The following GRB2 variants were observed in gnomAD, a reference collection of about 807,000 sequenced individuals.
The protein encoded by GRB2 is growth factor receptor bound protein 2, also known as growth factor receptor-bound protein 2.
A neutral mutation model predicts 27.4 loss-of-function variants in GRB2; 2 were observed. That is an observed-to-expected ratio of 0.07 (90% CI 0.03 to 0.23). The LOEUF is 0.23. GRB2 is among the 10% of genes least tolerant of loss of function. The pLI, the probability that GRB2 is intolerant of heterozygous loss-of-function variation, is 1.00. For synonymous variants in GRB2, 94 were observed against 99.6 expected, an observed-to-expected ratio of 0.94 and a Z score of 0.33; for missense variants, 102 against 282.4, an observed-to-expected ratio of 0.36 and a Z score of 4.58.
chr17:75,392,476 A>G (rs1042808864), intron 2 of GRB2, among the ~76,000 whole-genome samples: 1 of 152,214 alleles, frequency 6.6e-6, no homozygotes, highest in Non-Finnish European at 1.5e-5. Flanking sequence ...AAGACTATCA[A>G]TAAGTCCACA....
At chr17:75,399,178 G>C (rs1408886416) in intron 1 of GRB2, among the ~76,000 whole-genome samples, 1 of 152,020 alleles carries the variant, frequency 6.6e-6, no homozygotes, top group Non-Finnish European at 1.5e-5. Flanking sequence ...CTCCCAAGTA[G>C]CTGGGACTAC....
chr17:75,329,182 T>C lies in GRB2; in HGVS notation c.177-3162A>G, dbSNP rs1343759014. Reference sequence around the variant, plus strand: ...CCACCACTGCCACTTCCAATAGCAATGGTGAGGGTGAAGATTCTCAATCAG... The same window carrying C: ...CCACCACTGCCACTTCCAATAGCAACGGTGAGGGTGAAGATTCTCAATCAG... On this transcript the variant is annotated intron_variant, in intron 3 of 5. Coordinates refer to ENST00000316804, the MANE Select transcript of GRB2 (RefSeq NM_002086.5). 3.9e-5 allele frequency among the ~76,000 whole-genome samples: 6 copies of C among 152,030 alleles called. No homozygotes were observed. The East Asian group carries it at 9.7e-4, about 25-fold the overall frequency.
chr17:75,329,501 G>T (rs1246447251), intron 3 of GRB2, among the ~76,000 whole-genome samples: 1 of 151,998 alleles, frequency 6.6e-6, no homozygotes, highest in African/African-American at 2.4e-5. Context: ...AAATTGTAGT[G>T]AAGTACAAAT....
At chr17:75,340,772 A>G (rs767208285) in intron 2 of GRB2, among the ~76,000 whole-genome samples, 2 of 152,242 alleles carry the variant, frequency 1.3e-5, no homozygotes, top group Non-Finnish European at 2.9e-5. Flanking sequence ...CATCTGTTAC[A>G]GTTTTTCTGC....
chr17:75,395,470 A>C (rs2079023643), intron 1 of GRB2, among the ~76,000 whole-genome samples: 1 of 152,244 alleles, frequency 6.6e-6, no homozygotes. Flanking sequence ...AGTTACTTTG[A>C]TCAAACTAAT....
chr17:75,404,982 A>C (rs1033628294), intron 1 of GRB2: 1 of 152,078 alleles, frequency 6.6e-6, no homozygotes, highest in African/African-American at 2.4e-5. Flanking sequence ...AAGTGTCAGA[A>C]TAAAGGTATC....
intron 2 of GRB2, among the ~76,000 whole-genome samples, chr17:75,385,854 TCAA>T (rs2078960467): frequency 1.3e-5 from 2 of 152,208 alleles, no homozygotes; most frequent in Non-Finnish European, 2.9e-5. Context: ...TTGATACAGA[TCAA>T]CGTTAACACC....
intron 2 of GRB2, among the ~76,000 whole-genome samples, chr17:75,378,464 C>T (rs571819526): frequency 3.0e-4 from 45 of 152,110 alleles, no homozygotes; most frequent in African/African-American, 9.2e-4. Flanking sequence ...TGAGGATATG[C>T]GGGTGAGAGG....
chr17:75,323,404 C>T (rs1474404133), intron 4 of GRB2, among the ~76,000 whole-genome samples: 1 of 152,146 alleles, frequency 6.6e-6, no homozygotes, highest in Non-Finnish European at 1.5e-5. Context: ...CCCACTTCCA[C>T]CCATGCAATG....
intron 2 of GRB2, among the ~76,000 whole-genome samples, chr17:75,375,147 C>T (rs973457934): frequency 2.6e-5 from 4 of 151,944 alleles, no homozygotes; most frequent in African/African-American, 7.3e-5. Flanking sequence ...GCTTTAAGGG[C>T]TATTCCTGCC....
chr17:75,386,412 T>C (rs1378300549), intron 2 of GRB2, among the ~76,000 whole-genome samples: 1 of 152,212 alleles, frequency 6.6e-6, no homozygotes, highest in Admixed American at 6.5e-5. Context: ...GCCACTGCGC[T>C]TGGCCTTAGA....
At chr17:75,345,314 G>A (rs2078648230) in intron 2 of GRB2, among the ~76,000 whole-genome samples, 1 of 152,078 alleles carries the variant, frequency 6.6e-6, no homozygotes, top group Non-Finnish European at 1.5e-5. Context: ...AAAGTTGTGG[G>A]ATTACAGGCG....
chr17:75,383,927 G>A (rs1272433965), intron 2 of GRB2, among the ~76,000 whole-genome samples: 3 of 152,136 alleles, frequency 2.0e-5, no homozygotes, highest in Non-Finnish European at 2.9e-5. Flanking sequence ...AGGAAGGTAG[G>A]AAACTATTGT....
rs569537013 is a variant in GRB2, at chr17:75,391,374, C to G, written c.78+2177G>C. On this transcript the variant is annotated intron_variant, in intron 2 of 5. Transcript: ENST00000316804. Reference sequence around the variant, plus strand: ...AGGGACTGTTAAACAGGATCTTCTTCCCTAATAATAGGATGGGAAAGAAGG... The same window carrying G: ...AGGGACTGTTAAACAGGATCTTCTTGCCTAATAATAGGATGGGAAAGAAGG... Among the ~76,000 whole-genome samples the G allele has an allele frequency of 1.4e-4, 22 of 152,214 alleles. No individual in the cohort carries two copies. The South Asian group carries it at 4.6e-3, about 32-fold the overall frequency.
chr17:75,363,718 G>C (rs1057291762), intron 2 of GRB2, among the ~76,000 whole-genome samples: 1 of 151,792 alleles, frequency 6.6e-6, no homozygotes, highest in Non-Finnish European at 1.5e-5. Flanking sequence ...AAATTAGCCG[G>C]GCATGGTAGC....
intron 2 of GRB2, among the ~76,000 whole-genome samples, chr17:75,339,376 G>A (rs183783205): frequency 6.6e-6 from 1 of 151,606 alleles, no homozygotes; most frequent in Non-Finnish European, 1.5e-5. Context: ...TGTATTTTTA[G>A]TAGAGAGGGG....
At chr17:75,348,693 G>A (rs1026344050) in intron 2 of GRB2, among the ~76,000 whole-genome samples, 1 of 152,158 alleles carries the variant, frequency 6.6e-6, no homozygotes, top group Non-Finnish European at 1.5e-5. Flanking sequence ...TTCAGTTTTA[G>A]AGACAGGGTC....
At chr17:75,333,615 G>C (rs1212035265) in intron 2 of GRB2, among the ~76,000 whole-genome samples, 1 of 152,078 alleles carries the variant, frequency 6.6e-6, no homozygotes, top group Non-Finnish European at 1.5e-5. Flanking sequence ...TGGCTTCTCT[G>C]GGTTACCGCA....
chr17:75,388,586 G>C (rs909768102), intron 2 of GRB2, among the ~76,000 whole-genome samples: 2 of 146,962 alleles, frequency 1.4e-5, no homozygotes, highest in East Asian at 2.1e-4. Flanking sequence ...AAAATAGTGG[G>C]GGGGGGGAAG....
Sources: allele counts gnomAD v4.1 joint callset (sites outside exome capture counted in the v4.1 genomes callset), GRCh38; gene constraint gnomAD v4.1.1; transcripts MANE v1.5; gene names NCBI Gene and HGNC (gene_info 2026-07-23, HGNC 2026-07-21).